Variants in STXBP5L observed in about 807,000 individuals in gnomAD.
STXBP5L encodes the protein syntaxin-binding protein 5-like.
A neutral mutation model predicts 144.5 loss-of-function variants in STXBP5L; 65 were observed. The observed-to-expected ratio is 0.45, with a 90% CI of 0.37 to 0.55. The LOEUF (loss-of-function observed/expected upper bound fraction) is 0.55. STXBP5L is among the 20% of genes least tolerant of loss of function. The pLI is 0.00. For synonymous variants in STXBP5L, 505 were observed against 469.6 expected (o/e 1.08, Z -0.97); for missense variants, 1,298 against 1,405.5 (o/e 0.92, Z 1.22).
chr3:121,121,351 A>T (rs1232664030), intron 6 of STXBP5L, among the ~76,000 whole-genome samples: 1 of 151,332 alleles, frequency 6.6e-6, no homozygotes, highest in African/African-American at 2.4e-5. Flanking sequence ...AAAAATTCAG[A>T]GGCGCTTATC....
At chr3:121,323,220 T>C (rs2044033691) in intron 20 of STXBP5L, among the ~76,000 whole-genome samples, 1 of 152,224 alleles carries the variant, frequency 6.6e-6, no homozygotes, top group Non-Finnish European at 1.5e-5. Flanking sequence ...ATTTTTGTTT[T>C]TGTTGCAATT....
intron 3 of STXBP5L, among the ~76,000 whole-genome samples, chr3:120,997,094 A>G (rs1180803718): frequency 6.6e-6 from 1 of 151,964 alleles, no homozygotes; most frequent in African/African-American, 2.4e-5. Flanking sequence ...AATGGCCTCT[A>G]GCTCCATCCA....
At chr3:121,121,479 G>A (rs1256039859) in intron 6 of STXBP5L, among the ~76,000 whole-genome samples, 162 bp from the exon 7 acceptor site, 7 of 151,310 alleles carry the variant, frequency 4.6e-5, no homozygotes, top group Admixed American at 2.6e-4. Flanking sequence ...CAGAAATGCA[G>A]TTAGGACTGG....
chr3:121,152,712 G>A, intron 8 of STXBP5L, 152 bp downstream of exon 8: 1 of 529,778 alleles, frequency 1.9e-6, no homozygotes, highest in Non-Finnish European at 3.2e-6. Flanking sequence ...ATTTGTGTAA[G>A]TTCCATCTCT....
intron 5 of STXBP5L, among the ~76,000 whole-genome samples, chr3:121,108,263 G>A (rs924841917): frequency 3.9e-5 from 6 of 152,148 alleles, no homozygotes; most frequent in Admixed American, 2.0e-4. Flanking sequence ...AATAGGAGTG[G>A]TGAGAGAGGG....
At chr3:121,380,182 G>A (rs1202196844) in intron 21 of STXBP5L, among the ~76,000 whole-genome samples, 2 of 152,062 alleles carry the variant, frequency 1.3e-5, no homozygotes. Context: ...CCTCTAATTT[G>A]TCCTGGATTC....
chr3:121,365,615 A>G (rs2045843373), intron 20 of STXBP5L, among the ~76,000 whole-genome samples: 1 of 151,712 alleles, frequency 6.6e-6, no homozygotes, highest in African/African-American at 2.4e-5. Flanking sequence ...ATCAGCAATA[A>G]TGTCCCCATT....
chr3:121,222,228 GA>G (rs1316452414), intron 10 of STXBP5L, among the ~76,000 whole-genome samples: 2 of 151,986 alleles, frequency 1.3e-5, no homozygotes, highest in Admixed American at 6.6e-5. Flanking sequence ...TTTGAGAAAT[GA>G]AAAATGAAAA....
chr3:120,985,901 C>T (rs1016982267), intron 3 of STXBP5L, among the ~76,000 whole-genome samples: 1 of 151,472 alleles, frequency 6.6e-6, no homozygotes, highest in Non-Finnish European at 1.5e-5. Context: ...TCTATTGTTT[C>T]TCTATTTTTA....
chr3:121,150,622 C>T lies in STXBP5L; in HGVS notation c.670-1855C>T, dbSNP rs1049003397. ...TCAACTTTTATCTTTCAGATATTTA[C>T]TTTAATAAAATATAATAGTGTTTTA... On this transcript the variant is annotated intron_variant, in intron 7 of 26. Coordinates refer to ENST00000471454, the MANE Select transcript of STXBP5L (RefSeq NM_001308330.2). Among the ~76,000 whole-genome samples the T allele has an allele frequency of 2.0e-5, 3 of 151,988 alleles. No individual in the cohort carries two copies. The South Asian group carries it at 6.2e-4, about 32-fold the overall frequency.
In STXBP5L at chr3:121,348,978, G is replaced by C. The variant is rs1168989725; in HGVS notation, c.2177-29738G>C. Reference sequence around the variant, plus strand: ...CTCCTTCAGTTCTGCTCTGATGTTAGTTATTTCTTCCATTCTGTTAGCTTT... The same window carrying C: ...CTCCTTCAGTTCTGCTCTGATGTTACTTATTTCTTCCATTCTGTTAGCTTT... On this transcript the variant is annotated intron_variant, in intron 20 of 26. Transcript: ENST00000471454. 1.3e-5 allele frequency among the ~76,000 whole-genome samples: 2 copies of C among 152,030 alleles called. 1 individual carries two copies. Among genetic ancestry groups the C allele is most frequent in the South Asian group, 4.2e-4 (2 of 4,814 alleles).
chr3:121,006,898 A>G (rs1262723646), intron 3 of STXBP5L, among the ~76,000 whole-genome samples: 3 of 152,158 alleles, frequency 2.0e-5, no homozygotes, highest in Non-Finnish European at 4.4e-5. Flanking sequence ...TCTGGCTTGT[A>G]GAGTTTCTGC....
At chr3:120,966,512 G>T (rs1045254505) in intron 3 of STXBP5L, among the ~76,000 whole-genome samples, 9 of 152,128 alleles carry the variant, frequency 5.9e-5, no homozygotes, top group Non-Finnish European at 1.3e-4. Flanking sequence ...CTTTCTGTTT[G>T]TTAGTTTTCC....
chr3:121,023,935 T>C (rs1219240821), intron 3 of STXBP5L, among the ~76,000 whole-genome samples: 1 of 152,114 alleles, frequency 6.6e-6, no homozygotes, highest in Admixed American at 6.6e-5. Flanking sequence ...TTTTTTTGTA[T>C]TTTTAGTAGA....
intron 3 of STXBP5L, among the ~76,000 whole-genome samples, chr3:120,978,091 T>G (rs1005639343): frequency 6.6e-6 from 1 of 152,222 alleles, no homozygotes; most frequent in African/African-American, 2.4e-5. Context: ...AATGTTGGCC[T>G]GCCTTGCTAG....
intron 18 of STXBP5L, among the ~76,000 whole-genome samples, chr3:121,262,945 CCCAG>C (rs1211310937): frequency 2.0e-5 from 3 of 152,180 alleles, no homozygotes; most frequent in Non-Finnish European, 4.4e-5. Flanking sequence ...AAGTGGATCT[CCCAG>C]CACAGCGCTT....
chr3:121,122,519 G>A (rs1425456063), intron 7 of STXBP5L, among the ~76,000 whole-genome samples: 1 of 151,098 alleles, frequency 6.6e-6, no homozygotes, highest in Non-Finnish European at 1.5e-5. Context: ...TTGGTACAGG[G>A]GTACACAAGA....
At chr3:121,048,270 G>A (rs1050183211) in intron 5 of STXBP5L, among the ~76,000 whole-genome samples, 2 of 152,008 alleles carry the variant, frequency 1.3e-5, no homozygotes, top group African/African-American at 2.4e-5. Context: ...CTCTCCAGTT[G>A]CCTTTCACTT....
At chr3:121,107,222 A>G (rs1361016738) in intron 5 of STXBP5L, among the ~76,000 whole-genome samples, 6 of 152,028 alleles carry the variant, frequency 3.9e-5, no homozygotes, top group Non-Finnish European at 7.4e-5. Flanking sequence ...TAGCTTAATT[A>G]GATCCCGTTT....
Sources: allele counts gnomAD v4.1 joint callset (sites outside exome capture counted in the v4.1 genomes callset), GRCh38; gene constraint gnomAD v4.1.1; transcripts MANE v1.5; gene names NCBI Gene and HGNC (gene_info 2026-07-23, HGNC 2026-07-21).